STARD6: variants seen among roughly 807,000 people sequenced by gnomAD.
STARD6 encodes the protein StAR related lipid transfer domain containing 6.
STARD6 carries 21 observed loss-of-function variants against 22.3 expected under a neutral mutation model. That is an observed-to-expected ratio of 0.94 (90% confidence interval 0.67 to 1.35). The LOEUF is 1.35. Among genes scored for constraint, STARD6 ranks in the 40% most tolerant of loss-of-function variants. The pLI, the probability that STARD6 is intolerant of heterozygous loss-of-function variation, is 0.00. For missense variants in STARD6, 269 were observed against 266.9 expected, an observed-to-expected ratio of 1.01 and a Z score of -0.05; for synonymous variants, 80 against 88.1, an observed-to-expected ratio of 0.91 and a Z score of 0.52.
intron 4 of STARD6, among the ~76,000 whole-genome samples, chr18:54,352,639 C>T (rs542612254): frequency 2.0e-5 from 3 of 152,192 alleles, no homozygotes; most frequent in South Asian, 2.1e-4. Context: ...CCAATAAATA[C>T]CTAGTATACA....
intron 7 of STARD6, among the ~76,000 whole-genome samples, chr18:54,325,564 T>C (rs2088818510): frequency 6.6e-6 from 1 of 152,150 alleles, no homozygotes; most frequent in Non-Finnish European, 1.5e-5. Flanking sequence ...CTTTTTTTTT[T>C]TGAGACAGGG....
At chr18:54,333,649 A>T (rs1242631000) in intron 5 of STARD6, among the ~76,000 whole-genome samples, 1 of 152,208 alleles carries the variant, frequency 6.6e-6, no homozygotes, top group Non-Finnish European at 1.5e-5. Context: ...GATTTACAAG[A>T]TGAAGATCAA....
chr18:54,340,260 C>G (rs1291106759), intron 4 of STARD6, among the ~76,000 whole-genome samples: 1 of 151,954 alleles, frequency 6.6e-6, no homozygotes. Context: ...AAAAACAGCA[C>G]AAAATGTTGG....
intron 4 of STARD6, among the ~76,000 whole-genome samples, chr18:54,338,943 G>A (rs1010281499): frequency 2.0e-5 from 3 of 149,692 alleles, no homozygotes; most frequent in Non-Finnish European, 4.4e-5. Context: ...AGCTACTTGG[G>A]AGGCTGAGGC....
At chr18:54,345,212 A>C (rs1279715996) in intron 4 of STARD6, among the ~76,000 whole-genome samples, 1 of 152,236 alleles carries the variant, frequency 6.6e-6, no homozygotes, top group Non-Finnish European at 1.5e-5. Context: ...ATATATAAAA[A>C]TCAATTGTAT....
intron 4 of STARD6, among the ~76,000 whole-genome samples, chr18:54,353,120 A>T (rs1296944880): frequency 6.6e-6 from 1 of 152,204 alleles, no homozygotes; most frequent in Non-Finnish European, 1.5e-5. Context: ...ATATAGGTAA[A>T]TTTTATTGAA....
At chr18:54,356,023 T>C (rs902943879) in intron 2 of STARD6, among the ~76,000 whole-genome samples, 13 of 152,200 alleles carry the variant, frequency 8.5e-5, no homozygotes, top group Non-Finnish European at 1.3e-4. Flanking sequence ...TGAGTTAATA[T>C]ATGTAAAAAT....
chr18:54,348,946 CCAATA>C (rs1286202320), intron 4 of STARD6, among the ~76,000 whole-genome samples: 2 of 151,732 alleles, frequency 1.3e-5, no homozygotes, highest in Non-Finnish European at 2.9e-5. Flanking sequence ...CATTTGGTAG[CCAATA>C]TAATATAACT....
intron 4 of STARD6, among the ~76,000 whole-genome samples, chr18:54,353,180 G>T (rs1208469082): frequency 6.6e-6 from 1 of 152,032 alleles, no homozygotes; most frequent in Non-Finnish European, 1.5e-5. Flanking sequence ...AGAAGGAGTG[G>T]ACTCCAAAAG....
In STARD6 at chr18:54,337,145, T is replaced by G; in HGVS notation, c.247A>C (p.Met83Leu). The change falls in exon 5 of 8, where the codon ATG (methionine) becomes CTG (leucine). Residue 83 changes from methionine to leucine, a missense_variant. Transcript: ENST00000307844. ...ATTACCGAATCAATCCTGTGTACCA[T>G]ATTATACACTTGCAATGATTTATCC... ...TWDKSLQVYNMVHRIDSDTFI... is the reference protein window; with the variant it reads ...TWDKSLQVYNLVHRIDSDTFI... 1 of 1,613,074 alleles carries G rather than the reference T, an allele frequency of 6.2e-7. No individual in the cohort carries two copies. Among genetic ancestry groups the G allele is most frequent in the Non-Finnish European group, 8.5e-7 (1 of 1,179,466 alleles).
intron 4 of STARD6, among the ~76,000 whole-genome samples, chr18:54,339,961 A>G (rs946313064): frequency 6.6e-6 from 1 of 152,198 alleles, no homozygotes; most frequent in Non-Finnish European, 1.5e-5. Flanking sequence ...GGGGATGGAA[A>G]TAAAGCTATA....
At chr18:54,342,233 A>T (rs2088975374) in intron 4 of STARD6, among the ~76,000 whole-genome samples, 1 of 152,238 alleles carries the variant, frequency 6.6e-6, no homozygotes, top group South Asian at 2.1e-4. Flanking sequence ...TGAATTAGTA[A>T]TCCAAATAAT....
At chr18:54,346,269 AAAG>A (rs1432385202) in intron 4 of STARD6, among the ~76,000 whole-genome samples, 2 of 152,182 alleles carry the variant, frequency 1.3e-5, no homozygotes, top group African/African-American at 2.4e-5. Context: ...ATATTTATCT[AAAG>A]AAGATATATG....
At chr18:54,327,502 T>C (rs559096726) in intron 7 of STARD6, among the ~76,000 whole-genome samples, 1 of 152,232 alleles carries the variant, frequency 6.6e-6, no homozygotes, top group Admixed American at 6.5e-5. Flanking sequence ...CTGTTAAAAG[T>C]TGTATTTATT....
At chr18:54,340,524 C>G (rs777018753) in intron 4 of STARD6, among the ~76,000 whole-genome samples, 3 of 152,018 alleles carry the variant, frequency 2.0e-5, no homozygotes, top group Middle Eastern at 3.4e-3. Flanking sequence ...ATACAGAAAA[C>G]AAAATAAATT....
chr18:54,355,012 C>T (rs2089131690), intron 2 of STARD6, among the ~76,000 whole-genome samples: 1 of 152,176 alleles, frequency 6.6e-6, no homozygotes, highest in Admixed American at 6.5e-5. Flanking sequence ...ATCACACGTC[C>T]TTTGTCTTGT....
intron 2 of STARD6, among the ~76,000 whole-genome samples, chr18:54,355,306 ACCT>A (rs1181261412): frequency 6.6e-6 from 1 of 151,968 alleles, no homozygotes; most frequent in African/African-American, 2.4e-5. Flanking sequence ...CTTAAATGTC[ACCT>A]CCTCAGATAG....
At chr18:54,342,407 T>C (rs928263841) in intron 4 of STARD6, among the ~76,000 whole-genome samples, 1 of 142,830 alleles carries the variant, frequency 7.0e-6, no homozygotes, top group African/African-American at 2.9e-5. Flanking sequence ...AAAGATATCA[T>C]AAGAAAATGC....
At chr18:54,336,575 C>T (rs959868487) in intron 5 of STARD6, among the ~76,000 whole-genome samples, 1 of 152,178 alleles carries the variant, frequency 6.6e-6, no homozygotes, top group Non-Finnish European at 1.5e-5. Context: ...ACATTATATG[C>T]CGTTCGTTCT....
Sources: allele counts gnomAD v4.1 joint callset (sites outside exome capture counted in the v4.1 genomes callset), GRCh38; gene constraint gnomAD v4.1.1; transcripts MANE v1.5; gene names NCBI Gene and HGNC (gene_info 2026-07-23, HGNC 2026-07-21).